Variants in MFHAS1 observed in about 807,000 individuals in gnomAD.
MFHAS1 encodes malignant fibrous histiocytoma-amplified sequence 1.
MFHAS1 carries 50 observed loss-of-function variants against 70.4 expected under a neutral mutation model. That is an observed-to-expected ratio of 0.71 (90% CI 0.57 to 0.90). MFHAS1 has a LOEUF of 0.90. MFHAS1 is among the 40% of genes least tolerant of loss of function. The pLI is 0.00. For missense variants in MFHAS1, 1,795 were observed against 1,347.6 expected (o/e 1.33, Z -5.20); for synonymous variants, 952 against 620.0 (o/e 1.54, Z -7.96).
chr8:8,826,647 C>T (rs979472228), intron 1 of MFHAS1, among the ~76,000 whole-genome samples: 22 of 152,144 alleles, frequency 1.4e-4, no homozygotes, highest in Non-Finnish European at 1.0e-4. Flanking sequence ...GCAGGACAAT[C>T]GCTTGAACCC....
At chr8:8,874,905 TA>T (rs1285250164) in intron 1 of MFHAS1, among the ~76,000 whole-genome samples, 362 of 139,056 alleles carry the variant, frequency 2.6e-3, no homozygotes, top group Admixed American at 2.5e-3. Flanking sequence ...ACACTGTGAT[TA>T]AAAAAAAAAA....
rs1810118505 is a variant in MFHAS1, at chr8:8,892,671, C to A, written c.388G>T (p.Val130Leu). ...HNRLTALGAE[V>L]VSALRELRKL... ...CGCAGCTCCCTCAGAGCACTCACCA[C>A]CTCCGCGCCCAGGGCGGTCAGCCGG... Residue 130 changes from valine (V) to leucine (L), a missense_variant, in exon 1 of 3, where the codon GTG (valine) becomes TTG (leucine). Transcript: ENST00000276282. The surrounding 1 kb of genome is among the most constrained non-coding windows in gnomAD (Gnocchi z 4.7). 6.3e-7 allele frequency: 1 copy of A among 1,583,656 alleles called. No individual in the cohort carries two copies. Among genetic ancestry groups the A allele is most frequent in the African/African-American group, 1.3e-5 (1 of 74,360 alleles).
At chr8:8,796,190 C>T (rs1425872036) in intron 2 of MFHAS1, among the ~76,000 whole-genome samples, 1 of 152,142 alleles carries the variant, frequency 6.6e-6, no homozygotes, top group Non-Finnish European at 1.5e-5. Context: ...AGTTACTTGG[C>T]ATGTGTGCGT....
chr8:8,848,823 T>C (rs573377119), intron 1 of MFHAS1, among the ~76,000 whole-genome samples: 6 of 152,284 alleles, frequency 3.9e-5, no homozygotes, highest in African/African-American at 9.6e-5. Flanking sequence ...ACAGAACCAA[T>C]TTAATCAAAC....
At chr8:8,853,999 C>T (rs1160352384) in intron 1 of MFHAS1, among the ~76,000 whole-genome samples, 1 of 152,178 alleles carries the variant, frequency 6.6e-6, no homozygotes, top group Non-Finnish European at 1.5e-5. Context: ...TCCATGAACA[C>T]CTTGATTTGT....
chr8:8,887,758 C>T (rs1363501274), intron 1 of MFHAS1, among the ~76,000 whole-genome samples: 1 of 148,908 alleles, frequency 6.7e-6, no homozygotes, highest in Non-Finnish European at 1.5e-5. Context: ...AAATAGACAA[C>T]ACAAGACAAG....
intron 1 of MFHAS1, among the ~76,000 whole-genome samples, chr8:8,840,764 C>T (rs947595024): frequency 1.3e-5 from 2 of 152,172 alleles, no homozygotes; most frequent in Non-Finnish European, 2.9e-5. Context: ...CACTTCTAGT[C>T]GAATTCTATG....
intron 1 of MFHAS1, among the ~76,000 whole-genome samples, chr8:8,824,678 G>A (rs1173864520): frequency 1.3e-5 from 2 of 152,144 alleles, no homozygotes; most frequent in Non-Finnish European, 2.9e-5. Context: ...AAGAGATATA[G>A]ATCATCTCTA....
rs181983826 is a variant in MFHAS1, at chr8:8,843,646, G to C, written c.2999-46155C>G. Among the ~76,000 whole-genome samples the C allele has an allele frequency of 2.6e-5, 4 of 152,274 alleles. No homozygotes were observed. The East Asian group carries it at 7.7e-4, about 29-fold the overall frequency. The stretch of plus-strand genomic sequence containing the variant: ...AAAGCAGGGAGCGGGGTCTGTTTGG[G>C]AGAGAAAAAGAAGAAAGTGAAAGGT... On this transcript the variant is annotated intron_variant, in intron 1 of 2. Transcript: ENST00000276282.
rs1015534053 is a variant in MFHAS1 at position 8,833,606 on chromosome 8, G to A, written c.2999-36115C>T. 2.0e-5 allele frequency among the ~76,000 whole-genome samples: 3 copies of A among 152,110 alleles called. No homozygotes were observed. In the East Asian group the frequency reaches 5.8e-4, roughly 29 times the overall value. On this transcript the variant is annotated intron_variant, in intron 1 of 2. Transcript: ENST00000276282. Reference sequence around the variant, plus strand: ...ATTGCACGACCACACTCTAGCCTGGGTGACAGAACAAGACCCTGTCTTTAA... The same window carrying A: ...ATTGCACGACCACACTCTAGCCTGGATGACAGAACAAGACCCTGTCTTTAA...
At chr8:8,792,318 T>C (rs1805745387) in intron 2 of MFHAS1, among the ~76,000 whole-genome samples, 1 of 151,290 alleles carries the variant, frequency 6.6e-6, no homozygotes, top group African/African-American at 2.4e-5. Context: ...AAAATATTTA[T>C]TGGCCGGGCG....
At chr8:8,856,140 A>G (rs1042327112) in intron 1 of MFHAS1, among the ~76,000 whole-genome samples, 2 of 152,190 alleles carry the variant, frequency 1.3e-5, no homozygotes, top group Non-Finnish European at 2.9e-5. Context: ...CCTCACATGC[A>G]CAGCTCTGAA....
chr8:8,836,403 G>A (rs1434857936), intron 1 of MFHAS1, among the ~76,000 whole-genome samples: 6 of 152,092 alleles, frequency 3.9e-5, no homozygotes, highest in African/African-American at 9.7e-5. Flanking sequence ...TTTAGAGACA[G>A]GGTCTTGTTC....
At chr8:8,846,545 G>A (rs1808045860) in intron 1 of MFHAS1, among the ~76,000 whole-genome samples, 1 of 152,046 alleles carries the variant, frequency 6.6e-6, no homozygotes, top group Non-Finnish European at 1.5e-5. Context: ...CATTTAAAAT[G>A]TTCTCAGCTC....
chr8:8,859,205 G>A (rs1378010237), intron 1 of MFHAS1, among the ~76,000 whole-genome samples: 1 of 152,148 alleles, frequency 6.6e-6, no homozygotes, highest in African/African-American at 2.4e-5. Context: ...TTACATGGGT[G>A]TAGTGGCACA....
At chr8:8,855,283 C>T (rs565480173) in intron 1 of MFHAS1, among the ~76,000 whole-genome samples, 34 of 152,282 alleles carry the variant, frequency 2.2e-4, no homozygotes, top group Non-Finnish European at 1.5e-5. Context: ...GCAATCTTAA[C>T]ATTGTATTAG....
At chr8:8,822,429 CA>C (rs1319131665) in intron 1 of MFHAS1, among the ~76,000 whole-genome samples, 1 of 151,000 alleles carries the variant, frequency 6.6e-6, no homozygotes, top group African/African-American at 2.4e-5. Context: ...GGGACCACGC[CA>C]GGGGCACTGA....
At chr8:8,829,202 A>C (rs1807276473) in intron 1 of MFHAS1, among the ~76,000 whole-genome samples, 1 of 152,166 alleles carries the variant, frequency 6.6e-6, no homozygotes, top group South Asian at 2.1e-4. Context: ...GCGCCCTCCC[A>C]GAACCCCTTC....
chr8:8,805,317 A>C (rs1342385886), intron 1 of MFHAS1, among the ~76,000 whole-genome samples: 1 of 152,220 alleles, frequency 6.6e-6, no homozygotes, highest in Non-Finnish European at 1.5e-5. Flanking sequence ...CAAAAAGCCT[A>C]CTGTTGACTG....
Sources: gnomAD v4.1 joint callset for allele counts (sites outside exome capture counted in the v4.1 genomes callset) on GRCh38, gnomAD v4.1.1 for gene constraint, Gnocchi (gnomAD v3.1) non-coding constraint, MANE v1.5 for transcripts, NCBI Gene and HGNC (gene_info 2026-07-23, HGNC 2026-07-21) for gene names.